FIGN: variants seen among roughly 807,000 people sequenced by gnomAD.
The protein encoded by FIGN is fidgetin, microtubule severing factor, also known as fidgetin.
Under a neutral mutation model 51.3 loss-of-function variants are expected in FIGN, and 11 were observed. The observed-to-expected ratio is 0.21, with a 90% CI of 0.13 to 0.35. FIGN has a LOEUF of 0.35. Among genes scored for constraint, FIGN ranks in the 10% least tolerant of loss-of-function variants. The probability of loss-of-function intolerance (pLI) is 1.00; values close to 1 mark genes in which losing one functional copy is unlikely to be tolerated. For synonymous variants in FIGN, 407 were observed against 363.2 expected (o/e 1.12, Z -1.37); for missense variants, 857 against 943.6 (o/e 0.91, Z 1.20).
chr2:163,676,773 T>C (rs755368495), intron 2 of FIGN, among the ~76,000 whole-genome samples: 1 of 152,032 alleles, frequency 6.6e-6, no homozygotes, highest in Non-Finnish European at 1.5e-5. Context: ...ATCTGAACAG[T>C]ACCTGAAGTC....
At chr2:163,647,529 T>C (rs1683400908) in intron 2 of FIGN, among the ~76,000 whole-genome samples, 1 of 152,094 alleles carries the variant, frequency 6.6e-6, no homozygotes, top group Non-Finnish European at 1.5e-5. Context: ...ACTGTCATTC[T>C]GCAGACACAG....
chr2:163,622,813 C>T (rs1209644735), intron 2 of FIGN, among the ~76,000 whole-genome samples: 1 of 152,136 alleles, frequency 6.6e-6, no homozygotes, highest in Non-Finnish European at 1.5e-5. Flanking sequence ...GATCCACCCA[C>T]CTAGGCCTCC....
intron 2 of FIGN, among the ~76,000 whole-genome samples, chr2:163,615,996 A>G (rs1446170399): frequency 6.6e-6 from 1 of 152,196 alleles, no homozygotes; most frequent in Non-Finnish European, 1.5e-5. Flanking sequence ...CATAGGAATG[A>G]CAGGTACTAG....
chr2:163,706,586 C>G (rs891691342), intron 2 of FIGN, among the ~76,000 whole-genome samples: 2 of 152,068 alleles, frequency 1.3e-5, no homozygotes, highest in African/African-American at 4.8e-5. Context: ...GCTAATTTTT[C>G]TTTTTGTAAA....
chr2:163,665,972 A>G (rs1474115458), intron 2 of FIGN, among the ~76,000 whole-genome samples: 2 of 152,242 alleles, frequency 1.3e-5, no homozygotes, highest in African/African-American at 4.8e-5. Context: ...ACCATGGTGC[A>G]TGTCACATGA....
intron 2 of FIGN, among the ~76,000 whole-genome samples, chr2:163,723,800 C>G (rs887129834): frequency 7.2e-5 from 11 of 152,120 alleles, no homozygotes; most frequent in African/African-American, 2.7e-4. Context: ...AACTAATACC[C>G]ATCAACTCTT....
At chr2:163,624,428 GAAAA>G (rs377256970) in intron 2 of FIGN, among the ~76,000 whole-genome samples, 2 of 129,090 alleles carry the variant, frequency 1.5e-5, no homozygotes, top group African/African-American at 2.8e-5. Flanking sequence ...AGAAGAGAAA[GAAAA>G]AAAAAAAAGA....
intron 2 of FIGN, among the ~76,000 whole-genome samples, chr2:163,660,029 A>T (rs1039080615): frequency 6.6e-6 from 1 of 152,138 alleles, no homozygotes; most frequent in African/African-American, 2.4e-5. Flanking sequence ...TGAACCCGGG[A>T]GGCAGAGGCT....
chr2:163,644,851 T>C (rs1238158136), intron 2 of FIGN, among the ~76,000 whole-genome samples: 2 of 152,096 alleles, frequency 1.3e-5, no homozygotes, highest in African/African-American at 2.4e-5. Context: ...TTTGATTAGA[T>C]GAAATGCCCA....
chr2:163,625,458 T>C (rs111498954), intron 2 of FIGN, among the ~76,000 whole-genome samples: 2,675 of 152,148 alleles, frequency 0.018, 33 homozygotes, highest in Middle Eastern at 0.058. Flanking sequence ...CAGCACTATT[T>C]ACTAAGCTCT....
Position 163,700,429 on chromosome 2 carries a change from T to C in FIGN, c.25+34474A>G, listed in dbSNP as rs572657848. Reference sequence around the variant, plus strand: ...GGCAGGGCTCTGAAATATAGTTTCATAGGATAACAAGAAGCAGGATTTGTC... The same window carrying C: ...GGCAGGGCTCTGAAATATAGTTTCACAGGATAACAAGAAGCAGGATTTGTC... On this transcript the variant is annotated intron_variant, in intron 2 of 2. Transcript: ENST00000333129. Among the ~76,000 whole-genome samples, 11 of 152,166 alleles carry C rather than the reference T, an allele frequency of 7.2e-5. No homozygotes were observed. The South Asian group carries it at 8.3e-4, about 11-fold the overall frequency.
At chr2:163,676,483 A>C (rs1294450021) in intron 2 of FIGN, among the ~76,000 whole-genome samples, 4 of 48,464 alleles carry the variant, frequency 8.3e-5, no homozygotes, top group Non-Finnish European at 1.2e-4. Flanking sequence ...ATATATATAT[A>C]ACTAGAGTCT....
At chr2:163,719,220 G>A (rs193253880) in intron 2 of FIGN, among the ~76,000 whole-genome samples, 1 of 152,172 alleles carries the variant, frequency 6.6e-6, no homozygotes, top group Admixed American at 6.5e-5. Context: ...TGGATTTTAA[G>A]TTTATTTCTT....
chr2:163,636,333 T>C (rs1414844297), intron 2 of FIGN, among the ~76,000 whole-genome samples: 1 of 152,212 alleles, frequency 6.6e-6, no homozygotes, highest in East Asian at 1.9e-4. Flanking sequence ...TTGCCCAGGC[T>C]AGAGTGCAAC....
chr2:163,673,682 T>C (rs4667698), intron 2 of FIGN, among the ~76,000 whole-genome samples: 44,829 of 151,908 alleles, frequency 0.3, 6,766 homozygotes, highest in East Asian at 0.46. Context: ...ATATGCTCTC[T>C]GGGGCAGGGA....
chr2:163,688,048 T>C (rs1341071459), intron 2 of FIGN, among the ~76,000 whole-genome samples: 2 of 152,198 alleles, frequency 1.3e-5, no homozygotes, highest in African/African-American at 4.8e-5. Context: ...ATTTTACTAG[T>C]CTCCATTGAC....
intron 2 of FIGN, among the ~76,000 whole-genome samples, chr2:163,653,741 A>G (rs1019266346): frequency 6.6e-6 from 1 of 152,128 alleles, no homozygotes; most frequent in Non-Finnish European, 1.5e-5. Context: ...ATGAATCTCT[A>G]TCTATACGAT....
Position 163,630,938 on chromosome 2 carries a change from C to T in FIGN, c.26-19132G>A, listed in dbSNP as rs115118192. Among the ~76,000 whole-genome samples the T allele has an allele frequency of 1.0e-2, 1,518 of 152,308 alleles. 18 individuals are homozygous for T. The highest frequency in any genetic ancestry group is 0.046 in the South Asian group (223 of 4,834). ...CTCAGCCCTAAACACAAATACATTGCTATCCTATTATAATCTTCCTATTTC... is the reference window on the plus strand; with the variant it reads ...CTCAGCCCTAAACACAAATACATTGTTATCCTATTATAATCTTCCTATTTC... On this transcript the variant is annotated intron_variant, in intron 2 of 2. Coordinates refer to ENST00000333129, the MANE Select transcript of FIGN (RefSeq NM_018086.4).
At chr2:163,654,857 T>A (rs182418820) in intron 2 of FIGN, among the ~76,000 whole-genome samples, 21 of 152,174 alleles carry the variant, frequency 1.4e-4, no homozygotes, top group African/African-American at 5.1e-4. Flanking sequence ...TTAAAAAATT[T>A]AAAAAAAGAA....
Sources: gnomAD v4.1 joint callset for allele counts (sites outside exome capture counted in the v4.1 genomes callset) on GRCh38, gnomAD v4.1.1 for gene constraint, MANE v1.5 for transcripts, NCBI Gene and HGNC (gene_info 2026-07-23, HGNC 2026-07-21) for gene names.